Variants in TRIO observed in about 807,000 individuals in gnomAD.
TRIO encodes the protein triple functional domain protein.
A neutral mutation model predicts 351.9 loss-of-function variants in TRIO; 58 were observed. The observed-to-expected ratio is 0.16, with a 90% CI of 0.13 to 0.21. TRIO has a LOEUF of 0.21. TRIO is among the 10% of genes least tolerant of loss of function. TRIO has a pLI of 1.00. For missense variants in TRIO, 3,201 were observed against 4,027.8 expected (o/e 0.79, Z 5.56); for synonymous variants, 1,758 against 1,595.7 (o/e 1.10, Z -2.42).
chr5:14,506,180 G>A (rs1490117289), intron 55 of TRIO, among the ~76,000 whole-genome samples: 12 of 152,208 alleles, frequency 7.9e-5, no homozygotes, highest in Middle Eastern at 3.2e-3. Flanking sequence ...TGGCTTGAGT[G>A]CTTGTCACAA....
At chr5:14,210,475 T>C (rs919473636) in intron 1 of TRIO, among the ~76,000 whole-genome samples, 1 of 152,208 alleles carries the variant, frequency 6.6e-6, no homozygotes, top group African/African-American at 2.4e-5. Flanking sequence ...CTTTAACTTA[T>C]GGGAGCATCT....
intron 7 of TRIO, among the ~76,000 whole-genome samples, chr5:14,301,026 G>T (rs1385204863): frequency 6.6e-6 from 1 of 152,148 alleles, no homozygotes. Context: ...TAGCTTCAAG[G>T]ATCCCAGCTC....
chr5:14,241,310 G>C (rs1794114054), intron 1 of TRIO, among the ~76,000 whole-genome samples: 1 of 152,160 alleles, frequency 6.6e-6, no homozygotes, highest in African/African-American at 2.4e-5. Flanking sequence ...TTCATAATAG[G>C]AAATTGAATG....
chr5:14,252,365 A>C (rs983387541), intron 1 of TRIO, among the ~76,000 whole-genome samples: 4 of 151,954 alleles, frequency 2.6e-5, no homozygotes, highest in African/African-American at 9.7e-5. Context: ...CTTCTTGGTG[A>C]TTTTCAGGGT....
At chr5:14,283,334 A>G (rs1736166879) in intron 3 of TRIO, among the ~76,000 whole-genome samples, 2 of 152,130 alleles carry the variant, frequency 1.3e-5, no homozygotes, top group African/African-American at 4.8e-5. Context: ...GCCATTCCTC[A>G]GTTAGACAGT....
chr5:14,462,606 A>G (rs1420983219), intron 35 of TRIO, 149 bp from the exon 36 acceptor site: 1 of 1,107,104 alleles, frequency 9.0e-7, no homozygotes, highest in Non-Finnish European at 1.3e-6. Flanking sequence ...GCAGGAAGAG[A>G]GGAAAAGTTA....
chr5:14,458,806 C>T (rs1361610360), intron 34 of TRIO, among the ~76,000 whole-genome samples: 1 of 152,202 alleles, frequency 6.6e-6, no homozygotes, highest in Non-Finnish European at 1.5e-5. Flanking sequence ...ACTGTGTCTA[C>T]CTCATTTGCA....
chr5:14,169,739 C>T (rs1788989717), intron 1 of TRIO, among the ~76,000 whole-genome samples: 1 of 152,078 alleles, frequency 6.6e-6, no homozygotes, highest in African/African-American at 2.4e-5. Context: ...AAAGGATCAC[C>T]CACTGATGGA....
chr5:14,297,973 G>T (rs1220858162), intron 7 of TRIO, among the ~76,000 whole-genome samples: 2 of 152,130 alleles, frequency 1.3e-5, no homozygotes, highest in South Asian at 2.1e-4. Context: ...ATTTCCCCTC[G>T]GCTAGTCTTG....
chr5:14,354,877 G>A (rs1391176452), intron 11 of TRIO, among the ~76,000 whole-genome samples: 1 of 152,214 alleles, frequency 6.6e-6, no homozygotes, highest in African/African-American at 2.4e-5. Flanking sequence ...AGTGACAAGG[G>A]TGAGGGCAGC....
intron 1 of TRIO, among the ~76,000 whole-genome samples, chr5:14,220,968 A>G (rs916838253): frequency 6.6e-6 from 1 of 152,228 alleles, no homozygotes; most frequent in African/African-American, 2.4e-5. Context: ...TTTCACAGCT[A>G]GAGAGGAGAA....
chr5:14,338,329 C>T (rs922110699), intron 11 of TRIO, among the ~76,000 whole-genome samples: 1 of 152,174 alleles, frequency 6.6e-6, no homozygotes, highest in African/African-American at 2.4e-5. Context: ...TTTTTCCTTG[C>T]AGCCTGTCTT....
At chr5:14,295,670 TC>T (rs1737299554) in intron 6 of TRIO, among the ~76,000 whole-genome samples, 1 of 152,230 alleles carries the variant, frequency 6.6e-6, no homozygotes, top group Admixed American at 6.5e-5. Context: ...TAGTTTCTTG[TC>T]ACTTTACTAG....
intron 1 of TRIO, among the ~76,000 whole-genome samples, chr5:14,234,854 C>G (rs188403799): frequency 6.6e-6 from 1 of 152,168 alleles, no homozygotes; most frequent in Non-Finnish European, 1.5e-5. Context: ...AAATTTTCAT[C>G]TAATCTACAA....
At chr5:14,200,701 A>G (rs245512) in intron 1 of TRIO, among the ~76,000 whole-genome samples, 131,188 of 152,074 alleles carry the variant, frequency 0.86, 56,742 homozygotes, top group East Asian at 0.99. Flanking sequence ...GGAGGGAGTC[A>G]TTGATGTTGT....
intron 29 of TRIO, chr5:14,397,446 TG>T: frequency 3.2e-6 from 1 of 312,524 alleles, no homozygotes; most frequent in East Asian, 6.8e-5. Context: ...GTTAGATGGA[TG>T]GGTAGGTGGG....
intron 18 of TRIO, among the ~76,000 whole-genome samples, chr5:14,371,780 A>G (rs1249005517): frequency 6.6e-6 from 1 of 151,910 alleles, no homozygotes; most frequent in East Asian, 1.9e-4. Context: ...AGCTAGGACT[A>G]CAGGCACTTG....
rs570759145 is a variant in TRIO at position 14,328,202 on chromosome 5, C to T, written c.1732-2576C>T. Among the ~76,000 whole-genome samples the T allele has an allele frequency of 4.6e-4, 70 of 152,238 alleles. No homozygotes were observed. In the South Asian group the frequency reaches 5.4e-3, roughly 12 times the overall value. On this transcript the variant is annotated intron_variant, in intron 9 of 56. Coordinates refer to ENST00000344204, the MANE Select transcript of TRIO (RefSeq NM_007118.4). ...TCAATACACCAGTTAAAACAACGCG[C>T]TCAATACATGAGTTAAAGTAATGTG...
At chr5:14,176,423 TC>T (rs1789409002) in intron 1 of TRIO, among the ~76,000 whole-genome samples, 1 of 151,876 alleles carries the variant, frequency 6.6e-6, no homozygotes, top group African/African-American at 2.4e-5. Flanking sequence ...TGAGCCGAGA[TC>T]GCGCCACCGC....
Sources: gnomAD v4.1 joint callset for allele counts (sites outside exome capture counted in the v4.1 genomes callset) on GRCh38, gnomAD v4.1.1 for gene constraint, MANE v1.5 for transcripts, NCBI Gene and HGNC (gene_info 2026-07-23, HGNC 2026-07-21) for gene names.